Variants in XRCC4 observed in about 807,000 individuals in gnomAD.
The protein encoded by XRCC4 is X-ray repair cross complementing 4, also known as DNA repair protein XRCC4.
XRCC4 carries 28 observed loss-of-function variants against 39.1 expected under a neutral mutation model. The ratio of observed to expected loss-of-function variants is 0.72; its 90% CI spans 0.53 to 0.98. The LOEUF is 0.98. Ranked by LOEUF, XRCC4 falls within the 50% of genes least tolerant of loss-of-function variation. The pLI, the probability that XRCC4 is intolerant of heterozygous loss-of-function variation, is 0.00. For synonymous variants in XRCC4, 123 were observed against 126.4 expected, an observed-to-expected ratio of 0.97 and a Z score of 0.18; for missense variants, 350 against 376.4, an observed-to-expected ratio of 0.93 and a Z score of 0.58.
At chr5:83,248,687 T>C (rs576089488) in intron 6 of XRCC4, among the ~76,000 whole-genome samples, 98 of 152,310 alleles carry the variant, frequency 6.4e-4, no homozygotes, top group African/African-American at 2.2e-3. Flanking sequence ...CAAGATTTCA[T>C]TAAAAAATAC....
chr5:83,246,849 A>G (rs1409540244), intron 6 of XRCC4, among the ~76,000 whole-genome samples: 1 of 152,204 alleles, frequency 6.6e-6, no homozygotes, highest in East Asian at 1.9e-4. Context: ...CAGAGATAGT[A>G]AGATAGATAA....
chr5:83,166,418 CTAA>C, intron 3 of XRCC4, among the ~76,000 whole-genome samples: 1 of 151,614 alleles, frequency 6.6e-6, no homozygotes, highest in South Asian at 2.1e-4. Flanking sequence ...AGTGGTTGAA[CTAA>C]TTTACCCTCC....
At chr5:83,110,966 A>G in intron 2 of XRCC4, 62 bp from the exon 3 acceptor site, 1 of 1,467,986 alleles carries the variant, frequency 6.8e-7, no homozygotes, top group Non-Finnish European at 9.2e-7. Flanking sequence ...AGATAAACTA[A>G]TATTTTCTCA....
chr5:83,169,791 A>G (rs1345548076), intron 3 of XRCC4, among the ~76,000 whole-genome samples: 1 of 152,190 alleles, frequency 6.6e-6, no homozygotes, highest in Non-Finnish European at 1.5e-5. Flanking sequence ...TTAGGATGGA[A>G]TATTTAAAAT....
rs148114326 is a variant in XRCC4, at chr5:83,095,435, G to A, written c.-10-9475G>A. ...TAGAAATGCTTATTAGAAATGATCA[G>A]TGGGGTAGGAAAGTAGGCTTTGAGG... On this transcript the variant is annotated intron_variant, in intron 1 of 7. Coordinates refer to ENST00000396027, the MANE Select transcript of XRCC4 (RefSeq NM_003401.5). 5.2e-3 allele frequency among the ~76,000 whole-genome samples: 786 copies of A among 152,302 alleles called. 4 individuals carry two copies. Among genetic ancestry groups the A allele is most frequent in the Admixed American group, 0.013 (196 of 15,288 alleles).
intron 6 of XRCC4, among the ~76,000 whole-genome samples, chr5:83,228,180 A>G (rs914782075): frequency 1.3e-5 from 2 of 152,090 alleles, no homozygotes; most frequent in Admixed American, 6.6e-5. Context: ...ATTTATTAAA[A>G]TGTTATTTAT....
rs1000126307 is a variant in XRCC4, at chr5:83,257,786, C to T, written c.746-744C>T. Reference sequence around the variant, plus strand: ...ACAATAGCAAAGACTTGGAACCAACCGAAATGCCCATCAATGATAGACTGG... The same window carrying T: ...ACAATAGCAAAGACTTGGAACCAACTGAAATGCCCATCAATGATAGACTGG... On this transcript the variant is annotated intron_variant, in intron 6 of 7. Coordinates refer to ENST00000396027, the MANE Select transcript of XRCC4 (RefSeq NM_003401.5). Among the ~76,000 whole-genome samples, 15 of 152,186 alleles carry T rather than the reference C, an allele frequency of 9.9e-5. No individual in the cohort carries two copies. In the East Asian group the frequency reaches 1.5e-3, roughly 16 times the overall value.
intron 3 of XRCC4, among the ~76,000 whole-genome samples, chr5:83,141,020 A>G (rs1748145320): frequency 6.6e-6 from 1 of 152,148 alleles, no homozygotes; most frequent in Non-Finnish European, 1.5e-5. Context: ...ATGAGTATGC[A>G]CATTTTCTTA....
intron 7 of XRCC4, among the ~76,000 whole-genome samples, chr5:83,344,928 T>G (rs1229662808): frequency 1.3e-5 from 2 of 152,212 alleles, no homozygotes; most frequent in African/African-American, 2.4e-5. Context: ...TTATTGTACA[T>G]TTTAATTTTT....
chr5:83,235,303 C>T (rs1580405349), intron 6 of XRCC4, among the ~76,000 whole-genome samples: 1 of 144,628 alleles, frequency 6.9e-6, no homozygotes. Context: ...CCACTATACT[C>T]CAGCCTGGGT....
At chr5:83,109,043 T>C (rs370535036) in intron 2 of XRCC4, among the ~76,000 whole-genome samples, 23 of 151,964 alleles carry the variant, frequency 1.5e-4, no homozygotes, top group African/African-American at 5.5e-4. Context: ...GAGAATCATA[T>C]TTTATTATCA....
chr5:83,273,898 GGGCTC>G (rs1185167926), intron 7 of XRCC4, among the ~76,000 whole-genome samples: 1 of 151,776 alleles, frequency 6.6e-6, no homozygotes, highest in African/African-American at 2.4e-5. Flanking sequence ...TTGGCTATAT[GGGCTC>G]TTTTTTTTTT....
intron 6 of XRCC4, among the ~76,000 whole-genome samples, chr5:83,240,594 C>T (rs946844288): frequency 6.6e-6 from 1 of 152,056 alleles, no homozygotes; most frequent in African/African-American, 2.4e-5. Flanking sequence ...AAAATGCTTA[C>T]ATATTGAACT....
chr5:83,099,641 C>G (rs571805888), intron 1 of XRCC4, among the ~76,000 whole-genome samples: 33 of 152,254 alleles, frequency 2.2e-4, no homozygotes, highest in Non-Finnish European at 4.1e-4. Context: ...TTGTTCTGAA[C>G]TCTCAATAAA....
Position 83,299,197 on chromosome 5 carries a change from C to T in XRCC4, c.893+40520C>T, listed in dbSNP as rs780749558. ...ATTTTTGGAAAAAATTCTACTGGAG[C>T]TAGAATTCTGAGTTATTTCTTTCAG... On this transcript the variant is annotated intron_variant, in intron 7 of 7. Transcript: ENST00000396027. Among the ~76,000 whole-genome samples the T allele has an allele frequency of 3.9e-5, 6 of 152,002 alleles. 1 individual carries two copies. The highest frequency in any genetic ancestry group is 7.4e-5 in the Non-Finnish European group (5 of 67,924).
chr5:83,372,428 A>G, the XRCC4 span, among the ~76,000 whole-genome samples: 4 of 152,176 alleles, frequency 2.6e-5, no homozygotes, highest in African/African-American at 4.8e-5. Context: ...AGACTAGCAG[A>G]TGTGCCCCAG....
chr5:83,078,751 G>A (rs1744799286), intron 1 of XRCC4, among the ~76,000 whole-genome samples: 1 of 152,180 alleles, frequency 6.6e-6, no homozygotes, highest in African/African-American at 2.4e-5. Flanking sequence ...TCAGATTGCA[G>A]CATAGGAACA....
At chr5:83,341,864 A>G in intron 7 of XRCC4, among the ~76,000 whole-genome samples, 1 of 152,154 alleles carries the variant, frequency 6.6e-6, no homozygotes. Context: ...TAATACATGC[A>G]ATCAGTGGAA....
At chr5:83,287,041 A>C (rs1754759431) in intron 7 of XRCC4, among the ~76,000 whole-genome samples, 1 of 152,084 alleles carries the variant, frequency 6.6e-6, no homozygotes. Context: ...GTGAAGGATT[A>C]AGATTCGTGT....
Sources: gnomAD v4.1 joint callset for allele counts (sites outside exome capture counted in the v4.1 genomes callset) on GRCh38, gnomAD v4.1.1 for gene constraint, MANE v1.5 for transcripts, NCBI Gene and HGNC (gene_info 2026-07-23, HGNC 2026-07-21) for gene names.